The following ADAMTS2 variants were observed in gnomAD, a reference collection of about 807,000 sequenced individuals.
ADAMTS2 encodes A disintegrin and metalloproteinase with thrombospondin motifs 2.
In ADAMTS2, 50 loss-of-function variants were observed where a neutral mutation model predicts 123.0. That is an observed-to-expected ratio of 0.41 (90% CI 0.32 to 0.51). The LOEUF is 0.51. Ranked by LOEUF, ADAMTS2 falls within the 20% of genes least tolerant of loss-of-function variation. ADAMTS2 has a pLI of 0.35. For missense variants in ADAMTS2, 1,494 were observed against 1,705.2 expected, an observed-to-expected ratio of 0.88 and a Z score of 2.18; for synonymous variants, 678 against 695.4, an observed-to-expected ratio of 0.98 and a Z score of 0.39.
intron 3 of ADAMTS2, among the ~76,000 whole-genome samples, chr5:179,247,803 T>G (rs142658292): frequency 1.0e-4 from 5 of 49,180 alleles, no homozygotes; most frequent in East Asian, 0.042. Context: ...ACAAGAAAAA[T>G]TAAGACACTT....
At chr5:179,176,166 C>A (rs1172356498) in intron 5 of ADAMTS2, among the ~76,000 whole-genome samples, 1 of 152,176 alleles carries the variant, frequency 6.6e-6, no homozygotes, top group Non-Finnish European at 1.5e-5. Flanking sequence ...CCTTTAAATA[C>A]AATCTTGGTT....
chr5:179,137,710 C>T (rs1351326730), intron 12 of ADAMTS2, 59 bp downstream of exon 12: 13 of 1,436,218 alleles, frequency 9.1e-6, no homozygotes, highest in South Asian at 1.2e-5. Flanking sequence ...AAGCCCCCAC[C>T]CTGCCCACCC....
At chr5:179,177,022 G>A (rs996845909) in intron 5 of ADAMTS2, among the ~76,000 whole-genome samples, 9 of 152,288 alleles carry the variant, frequency 5.9e-5, no homozygotes, top group Middle Eastern at 3.4e-3. Flanking sequence ...CCTGACCCGC[G>A]TCTCCTCCAT....
At chr5:179,198,897 T>C (rs950118159) in intron 4 of ADAMTS2, among the ~76,000 whole-genome samples, 1 of 150,676 alleles carries the variant, frequency 6.6e-6, no homozygotes, top group Non-Finnish European at 1.5e-5. Flanking sequence ...GCCCGCCCCC[T>C]GCCTGCCACA....
At chr5:179,210,827 G>A (rs972154780) in intron 3 of ADAMTS2, among the ~76,000 whole-genome samples, 4 of 152,194 alleles carry the variant, frequency 2.6e-5, no homozygotes, top group African/African-American at 9.7e-5. Context: ...TGTCAATCAC[G>A]AGTGCCACCT....
chr5:179,260,691 G>A lies in ADAMTS2; in HGVS notation c.688+12220C>T, dbSNP rs1266638106. On this transcript the variant is annotated intron_variant, in intron 3 of 21. Transcript: ENST00000251582. This position sits in a 1 kb window ranked among gnomAD's most constrained non-coding sequence, Gnocchi z 4.2. ...TATCTGTGCGACCGTCGGCACCTCA[G>A]TTTCCTCATCTGTAACGTGGGCACA... Among the ~76,000 whole-genome samples, 1 of 152,186 alleles carries A rather than the reference G, an allele frequency of 6.6e-6. No individual in the cohort carries two copies. The highest frequency in any genetic ancestry group is 1.5e-5 in the Non-Finnish European group (1 of 68,034).
chr5:179,337,428 C>T lies in ADAMTS2; in HGVS notation c.534+6339G>A, dbSNP rs1427382633. On this transcript the variant is annotated intron_variant, in intron 2 of 21. Coordinates refer to ENST00000251582, the MANE Select transcript of ADAMTS2 (RefSeq NM_014244.5). ...AGACGTGCACAAACATATGCACCCC[C>T]ACACGCACACTGCATGCACGTACTC... Among the ~76,000 whole-genome samples the T allele has an allele frequency of 2.0e-5, 3 of 152,344 alleles. No homozygotes were observed. In the East Asian group the frequency reaches 5.8e-4, roughly 29 times the overall value.
intron 3 of ADAMTS2, among the ~76,000 whole-genome samples, chr5:179,210,143 C>T (rs1764816532): frequency 6.6e-6 from 1 of 152,232 alleles, no homozygotes; most frequent in Non-Finnish European, 1.5e-5. Flanking sequence ...ATTGAGGGGC[C>T]ACACCTGGAG....
chr5:179,297,258 G>A (rs768028550), intron 2 of ADAMTS2, among the ~76,000 whole-genome samples: 3 of 152,124 alleles, frequency 2.0e-5, no homozygotes, highest in Admixed American at 6.5e-5. Context: ...TGGATCTGAC[G>A]ACTTACAACC....
At chr5:179,223,291 C>G (rs1269124078) in intron 3 of ADAMTS2, among the ~76,000 whole-genome samples, 1 of 151,752 alleles carries the variant, frequency 6.6e-6, no homozygotes, top group African/African-American at 2.4e-5. Context: ...CATACACACA[C>G]ACACGAACGC....
Position 179,225,589 on chromosome 5 carries a change from C to G in ADAMTS2, c.689-17874G>C, listed in dbSNP as rs898873851. Reference sequence around the variant, plus strand: ...GCGCATGAGGGGAGGAACACACAGGCGGCTGGACGTCGAGAGGAACGCACC... The same window carrying G: ...GCGCATGAGGGGAGGAACACACAGGGGGCTGGACGTCGAGAGGAACGCACC... On this transcript the variant is annotated intron_variant, in intron 3 of 21. Transcript: ENST00000251582. This position sits in a 1 kb window ranked among gnomAD's most constrained non-coding sequence, Gnocchi z 4.5. Among the ~76,000 whole-genome samples the G allele has an allele frequency of 6.6e-6, 1 of 152,108 alleles. No homozygotes were observed. The highest frequency in any genetic ancestry group is 2.4e-5 in the African/African-American group (1 of 41,418).
In ADAMTS2 at chr5:179,155,539, G is replaced by C. The variant is rs547852234; in HGVS notation, c.1133-620C>G. 2.6e-5 allele frequency among the ~76,000 whole-genome samples: 4 copies of C among 152,218 alleles called. No individual in the cohort carries two copies. The highest frequency in any genetic ancestry group is 5.9e-5 in the Non-Finnish European group (4 of 68,030). On this transcript the variant is annotated intron_variant, in intron 6 of 21. Transcript: ENST00000251582. The surrounding 1 kb of genome is among the most constrained non-coding windows in gnomAD (Gnocchi z 5.1). ...TCCCAGCAGGGGGCTGGCTGGTGCG[G>C]ACTGGGAGGTCAGAGCCGCCGTAGA...
intron 4 of ADAMTS2, among the ~76,000 whole-genome samples, chr5:179,187,599 TC>T (rs1261267584): frequency 4.0e-5 from 6 of 151,702 alleles, no homozygotes; most frequent in Non-Finnish European, 7.4e-5. Flanking sequence ...TCCCCTCCCC[TC>T]CCCCCAGCAG....
At position 179,129,283 on chromosome 5, in the gene ADAMTS2, A is replaced by G. The variant is rs1447827438; in HGVS notation, c.2457+649T>C. Among the ~76,000 whole-genome samples, 3 of 152,148 alleles carry G rather than the reference A, an allele frequency of 2.0e-5. No homozygotes were observed. Among genetic ancestry groups the G allele is most frequent in the African/African-American group, 7.2e-5 (3 of 41,440 alleles). On this transcript the variant is annotated intron_variant, in intron 16 of 21. Transcript: ENST00000251582. This position sits in a 1 kb window ranked among gnomAD's most constrained non-coding sequence, Gnocchi z 4.1. ...GCTGCACCTGCTTACAGGTGCACCCACGTGTGGAGCGCTGGGGGCTGGTGG... is the reference window on the plus strand; with the variant it reads ...GCTGCACCTGCTTACAGGTGCACCCGCGTGTGGAGCGCTGGGGGCTGGTGG...
At position 179,126,034 on chromosome 5, in the gene ADAMTS2, C is replaced by A. The variant is rs752222373; in HGVS notation, c.2714G>T (p.Arg905Leu). 1 of 1,613,306 alleles carries A rather than the reference C, an allele frequency of 6.2e-7. No homozygotes were observed. Among genetic ancestry groups the A allele is most frequent in the Non-Finnish European group, 8.5e-7 (1 of 1,180,026 alleles). ...GCATTCCTGTGGGTTGCACGCTCTG[C>A]GGATGGCTTTGGGCTTCGAGAGGGC... ...CAALSKPKAI[R>L]RACNPQECSQ... The change falls in exon 18 of 22, where the codon CGC (arginine) becomes CTC (leucine). Residue 905 changes from arginine (R) to leucine (L), a missense_variant. By Grantham distance (102) the Arg-to-Leu change is moderately radical (BLOSUM62 -2). Transcript: ENST00000251582.
chr5:179,213,069 C>T (rs1005104785), intron 3 of ADAMTS2, among the ~76,000 whole-genome samples: 1 of 152,068 alleles, frequency 6.6e-6, no homozygotes, highest in Non-Finnish European at 1.5e-5. Flanking sequence ...AGCCACACTG[C>T]GTGCCACTAG....
intron 13 of ADAMTS2, among the ~76,000 whole-genome samples, chr5:179,135,618 T>C (rs536179388): frequency 2.1e-4 from 32 of 152,150 alleles, no homozygotes; most frequent in South Asian, 1.0e-3. Flanking sequence ...GGGATGCTCC[T>C]AAAAATTCAT....
intron 5 of ADAMTS2, among the ~76,000 whole-genome samples, chr5:179,179,906 T>C (rs555100848): frequency 6.6e-6 from 1 of 152,352 alleles, no homozygotes; most frequent in South Asian, 2.1e-4. Context: ...TATATAATTA[T>C]CTGATGTATT....
At chr5:179,302,697 G>A (rs933940220) in intron 2 of ADAMTS2, among the ~76,000 whole-genome samples, 11 of 152,082 alleles carry the variant, frequency 7.2e-5, no homozygotes, top group African/African-American at 1.2e-4. Flanking sequence ...TGACGCAGCC[G>A]TGAGGACAAC....
Sources: gnomAD v4.1 joint callset for allele counts (sites outside exome capture counted in the v4.1 genomes callset) on GRCh38, gnomAD v4.1.1 for gene constraint, Gnocchi (gnomAD v3.1) non-coding constraint, MANE v1.5 for transcripts, NCBI Gene and HGNC (gene_info 2026-07-23, HGNC 2026-07-21) for gene names.